Variants in ESR1 observed in about 807,000 individuals in gnomAD.
The protein encoded by ESR1 is estrogen receptor 1, also known as estrogen receptor.
ESR1 carries 12 observed loss-of-function variants against 52.7 expected under a neutral mutation model. That is an observed-to-expected ratio of 0.23 (90% CI 0.15 to 0.37). ESR1 has a LOEUF of 0.37. ESR1 is among the 10% of genes least tolerant of loss of function. The probability of loss-of-function intolerance (pLI) is 1.00; values close to 1 mark genes in which losing one functional copy is unlikely to be tolerated. For missense variants in ESR1, 584 were observed against 779.7 expected, an observed-to-expected ratio of 0.75 and a Z score of 2.99; for synonymous variants, 305 against 316.8, an observed-to-expected ratio of 0.96 and a Z score of 0.39.
chr6:151,771,637 C>T (rs934383659), intron 2 of ESR1, among the ~76,000 whole-genome samples: 5 of 152,080 alleles, frequency 3.3e-5, no homozygotes, highest in African/African-American at 1.2e-4. Flanking sequence ...CAAATAGATC[C>T]TATATTTTTA....
intron 5 of ESR1, among the ~76,000 whole-genome samples, chr6:152,036,176 A>G (rs2045285148): frequency 1.3e-5 from 2 of 152,200 alleles, no homozygotes; most frequent in South Asian, 2.1e-4. Flanking sequence ...CCTGGCCAAC[A>G]TGGCAAAACC....
chr6:151,925,287 A>G (rs1477121998), intron 3 of ESR1, among the ~76,000 whole-genome samples: 2 of 152,146 alleles, frequency 1.3e-5, no homozygotes, highest in East Asian at 3.8e-4. Flanking sequence ...AATGAGGTGT[A>G]CATCAGATCT....
rs145966526 is a variant in ESR1 at position 152,093,464 on chromosome 6, G to A, written c.1370-921G>A. On this transcript the variant is annotated intron_variant, in intron 6 of 7. Transcript: ENST00000206249. ...TGGGAAGAGGGCCATTCAGAGCCTC[G>A]TATTCTCATCCTCTCAGTTTAGCAA... 6.7e-3 allele frequency among the ~76,000 whole-genome samples: 1,020 copies of A among 151,674 alleles called. 11 individuals are homozygous for A. The highest frequency in any genetic ancestry group is 0.023 in the African/African-American group (963 of 41,300).
chr6:151,813,933 A>G (rs1226260275), intron 1 of ESR1, among the ~76,000 whole-genome samples: 1 of 152,196 alleles, frequency 6.6e-6, no homozygotes, highest in Non-Finnish European at 1.5e-5. Context: ...TGTCAACCCC[A>G]GGAGGAATGG....
chr6:151,977,729 A>C (rs2039576806), intron 4 of ESR1, among the ~76,000 whole-genome samples: 1 of 152,058 alleles, frequency 6.6e-6, no homozygotes, highest in African/African-American at 2.4e-5. Context: ...CAGGAGGCGG[A>C]GGTTGCAGTG....
intron 6 of ESR1, chr6:152,122,670 T>C (rs2051690265): frequency 1.2e-6 from 2 of 1,613,920 alleles, no homozygotes; most frequent in East Asian, 2.2e-5. Flanking sequence ...AGCCACCTTT[T>C]GTGGACCTGA....
At chr6:152,065,815 G>A (rs2047922186) in intron 6 of ESR1, among the ~76,000 whole-genome samples, 1 of 152,174 alleles carries the variant, frequency 6.6e-6, no homozygotes, top group African/African-American at 2.4e-5. Flanking sequence ...CTCTTGAAAT[G>A]CTATAGCCTT....
At chr6:151,715,317 G>A (rs1053206190) in intron 2 of ESR1, among the ~76,000 whole-genome samples, 3 of 152,032 alleles carry the variant, frequency 2.0e-5, no homozygotes, top group African/African-American at 7.2e-5. Flanking sequence ...TATGTGTCTT[G>A]GGGTTGCTCT....
chr6:151,804,399 C>T (rs1473184683), upstream of ESR1: 2 of 152,222 alleles, frequency 1.3e-5, no homozygotes, highest in Non-Finnish European at 2.9e-5. Context: ...CTCCTCCCTC[C>T]CTGAATACTC....
At chr6:152,055,192 A>T (rs2047000410) in intron 5 of ESR1, among the ~76,000 whole-genome samples, 1 of 152,094 alleles carries the variant, frequency 6.6e-6, no homozygotes, top group South Asian at 2.1e-4. Context: ...TCTCCTTTGG[A>T]TATATACCCA....
At chr6:152,037,174 T>C (rs1309176901) in intron 5 of ESR1, among the ~76,000 whole-genome samples, 2 of 152,142 alleles carry the variant, frequency 1.3e-5, no homozygotes, top group African/African-American at 4.8e-5. Flanking sequence ...ACTAAGGATA[T>C]CAGTTCTATC....
At chr6:151,934,107 G>A (rs550078987) in intron 3 of ESR1, among the ~76,000 whole-genome samples, 1 of 152,090 alleles carries the variant, frequency 6.6e-6, no homozygotes, top group Non-Finnish European at 1.5e-5. Context: ...CTTTTTCCTT[G>A]TTCAGGCTGC....
intron 6 of ESR1, among the ~76,000 whole-genome samples, chr6:152,081,154 C>G (rs1331750245): frequency 6.6e-6 from 1 of 152,182 alleles, no homozygotes; most frequent in East Asian, 1.9e-4. Context: ...CTCTCCACCC[C>G]TAATCAACAG....
intron 1 of ESR1, among the ~76,000 whole-genome samples, chr6:151,808,726 C>T (rs1778297167): frequency 2.0e-5 from 3 of 152,160 alleles, no homozygotes; most frequent in Admixed American, 2.0e-4. Flanking sequence ...ACACGGGGCG[C>T]TTTGAGTCAC....
intron 6 of ESR1, among the ~76,000 whole-genome samples, chr6:152,083,216 A>G (rs985527127): frequency 1.8e-4 from 28 of 152,194 alleles, no homozygotes; most frequent in Non-Finnish European, 4.0e-4. Flanking sequence ...TTCAAACCAT[A>G]CTACAAGGCT....
At chr6:151,683,869 T>TA (rs1264289946) in intron 1 of ESR1, among the ~76,000 whole-genome samples, 1 of 143,144 alleles carries the variant, frequency 7.0e-6, no homozygotes, top group Admixed American at 6.8e-5. Context: ...TGGCTATTTT[T>TA]TTTTTTTTTT....
intron 1 of ESR1, among the ~76,000 whole-genome samples, chr6:151,821,822 A>G (rs1780601597): frequency 6.6e-6 from 1 of 152,168 alleles, no homozygotes; most frequent in African/African-American, 2.4e-5. Context: ...ACTAAGCCCG[A>G]TGTTGGTTAT....
chr6:151,823,233 G>C (rs1344279029), intron 1 of ESR1, among the ~76,000 whole-genome samples: 10 of 152,146 alleles, frequency 6.6e-5, no homozygotes, highest in Non-Finnish European at 1.2e-4. Context: ...TTGAAGGCTG[G>C]AGGTTTTCTG....
At chr6:151,796,071 C>T (rs1459210096) in intron 2 of ESR1, among the ~76,000 whole-genome samples, 2 of 149,930 alleles carry the variant, frequency 1.3e-5, no homozygotes, top group Admixed American at 1.3e-4. Context: ...GAGGCTGAGG[C>T]AGGAGAATGG....
Sources: allele counts gnomAD v4.1 joint callset (sites outside exome capture counted in the v4.1 genomes callset), GRCh38; gene constraint gnomAD v4.1.1; transcripts MANE v1.5; gene names NCBI Gene and HGNC (gene_info 2026-07-23, HGNC 2026-07-21).